NTRK3: variants seen among roughly 807,000 people sequenced by gnomAD.
NTRK3 encodes the protein NT-3 growth factor receptor.
A neutral mutation model predicts 91.7 loss-of-function variants in NTRK3; 24 were observed. The ratio of observed to expected loss-of-function variants is 0.26; its 90% CI spans 0.19 to 0.37. NTRK3 has a LOEUF of 0.37. Ranked by LOEUF, NTRK3 falls within the 10% of genes least tolerant of loss-of-function variation. The pLI, the probability that NTRK3 is intolerant of heterozygous loss-of-function variation, is 1.00. For synonymous variants in NTRK3, 483 were observed against 404.0 expected (o/e 1.20, Z -2.34); for missense variants, 880 against 1,068.9 (o/e 0.82, Z 2.46).
intron 3 of NTRK3, among the ~76,000 whole-genome samples, chr15:88,196,327 C>T (rs1339608180): frequency 2.0e-5 from 3 of 152,076 alleles, no homozygotes; most frequent in Non-Finnish European, 4.4e-5. Flanking sequence ...ATGCCTGGCC[C>T]TCTCTTTCGT....
At chr15:88,119,211 G>T (rs780503159) in intron 13 of NTRK3, among the ~76,000 whole-genome samples, 2 of 152,180 alleles carry the variant, frequency 1.3e-5, no homozygotes, top group Non-Finnish European at 2.9e-5. Context: ...GCAAAAGCAT[G>T]CCAGAAAAAC....
chr15:88,149,658 A>G (rs745483642), intron 5 of NTRK3, among the ~76,000 whole-genome samples: 1 of 152,210 alleles, frequency 6.6e-6, no homozygotes, highest in South Asian at 2.1e-4. Context: ...ACCTGAGGAC[A>G]CCACCTGGGG....
chr15:88,198,093 T>C (rs2047985341), intron 3 of NTRK3, among the ~76,000 whole-genome samples: 1 of 152,148 alleles, frequency 6.6e-6, no homozygotes, highest in Non-Finnish European at 1.5e-5. Context: ...CAAAGAATGT[T>C]TATTTTCCTC....
chr15:88,002,189 T>TC (rs1290915756), intron 14 of NTRK3, among the ~76,000 whole-genome samples: 1 of 148,386 alleles, frequency 6.7e-6, no homozygotes, highest in African/African-American at 2.5e-5. Flanking sequence ...TTTTTTTTTT[T>TC]TTTTTTCCAA....
intron 14 of NTRK3, among the ~76,000 whole-genome samples, chr15:87,948,150 C>A (rs538588078): frequency 6.6e-6 from 1 of 152,214 alleles, no homozygotes. Context: ...TGGCCAGCTA[C>A]AGGCCCTTTG....
chr15:88,112,235 A>G (rs2051489992), intron 13 of NTRK3, among the ~76,000 whole-genome samples: 1 of 152,156 alleles, frequency 6.6e-6, no homozygotes, highest in Non-Finnish European at 1.5e-5. Flanking sequence ...CCATTATTTC[A>G]GTTAATCCAA....
intron 17 of NTRK3, among the ~76,000 whole-genome samples, chr15:87,917,585 C>T (rs1347862086): frequency 6.6e-6 from 1 of 152,222 alleles, no homozygotes; most frequent in Non-Finnish European, 1.5e-5. Flanking sequence ...ACCTCCAAAT[C>T]TCATGTGGAA....
At chr15:88,089,042 A>G (rs1413206135) in intron 13 of NTRK3, among the ~76,000 whole-genome samples, 1 of 151,826 alleles carries the variant, frequency 6.6e-6, no homozygotes, top group Admixed American at 6.6e-5. Flanking sequence ...CTCCTCAGCC[A>G]TCATCATCAT....
At chr15:87,937,077 A>C (rs2069362709) in intron 15 of NTRK3, among the ~76,000 whole-genome samples, 1 of 150,610 alleles carries the variant, frequency 6.6e-6, no homozygotes, top group Admixed American at 6.6e-5. Context: ...TTGCCAGAAA[A>C]CTCTCCACTG....
chr15:87,883,617 A>G (rs978182770), intron 17 of NTRK3, among the ~76,000 whole-genome samples: 1 of 151,236 alleles, frequency 6.6e-6, no homozygotes, highest in African/African-American at 2.4e-5. Flanking sequence ...AAAAAATTGC[A>G]CATTATTTTC....
intron 16 of NTRK3, among the ~76,000 whole-genome samples, chr15:87,929,926 A>T (rs946097052): frequency 2.0e-5 from 3 of 152,230 alleles, no homozygotes; most frequent in African/African-American, 7.2e-5. Flanking sequence ...GAAATCAGGA[A>T]GTAGGATCTG....
chr15:88,099,928 T>G (rs947322066), intron 13 of NTRK3, among the ~76,000 whole-genome samples: 5 of 151,890 alleles, frequency 3.3e-5, no homozygotes, highest in Non-Finnish European at 4.4e-5. Flanking sequence ...GGACATGGAG[T>G]TGACAAGGAT....
chr15:87,949,288 C>T (rs1423116023), intron 14 of NTRK3, among the ~76,000 whole-genome samples: 1 of 152,000 alleles, frequency 6.6e-6, no homozygotes, highest in Admixed American at 6.5e-5. Flanking sequence ...TCGTATTGAA[C>T]CAGGAAAGTA....
chr15:88,100,648 C>T (rs2050077303), intron 13 of NTRK3, among the ~76,000 whole-genome samples: 1 of 152,078 alleles, frequency 6.6e-6, no homozygotes. Context: ...GGAAACCTGC[C>T]CACTTGAAAA....
At chr15:88,023,748 C>A (rs1167942445) in intron 14 of NTRK3, among the ~76,000 whole-genome samples, 4 of 152,200 alleles carry the variant, frequency 2.6e-5, no homozygotes, top group Admixed American at 2.0e-4. Context: ...CAGCCGCACA[C>A]CCCATGCTCC....
intron 14 of NTRK3, among the ~76,000 whole-genome samples, chr15:87,975,137 T>C (rs2073613516): frequency 6.6e-6 from 1 of 152,184 alleles, no homozygotes; most frequent in Non-Finnish European, 1.5e-5. Context: ...GAATTATTAC[T>C]ATTAATGCCC....
At position 87,904,154 on chromosome 15, in the gene NTRK3, AT is replaced by A. The variant is rs11385386; in HGVS notation, c.2134-23727del. On this transcript the variant is annotated intron_variant, in intron 17 of 18. Transcript: ENST00000394480. Reference sequence around the variant, plus strand: ...CTGCTAGAATGAAACTACAATAAGCATTTTTTTTTTTTTTTGAGACGGAGTC... The same window carrying A: ...CTGCTAGAATGAAACTACAATAAGCATTTTTTTTTTTTTTGAGACGGAGTC... 3.3e-3 allele frequency among the ~76,000 whole-genome samples: 465 copies of A among 142,728 alleles called. 2 individuals carry two copies. The highest frequency in any genetic ancestry group is 9.9e-3 in the African/African-American group (378 of 38,374). The allele number at this position is 142,728 out of a possible 152,430, so 93.6% of individuals were successfully genotyped here. A position where few individuals can be genotyped will look rare whatever the true frequency, so the allele number is the denominator to read the frequency against.
chr15:88,142,479 T>C (rs138443026), intron 6 of NTRK3, among the ~76,000 whole-genome samples: 5 of 152,380 alleles, frequency 3.3e-5, no homozygotes, highest in Admixed American at 1.3e-4. Flanking sequence ...ACTGGATATT[T>C]AGAAAACACT....
At chr15:88,106,459 A>G (rs2050718108) in intron 13 of NTRK3, among the ~76,000 whole-genome samples, 1 of 152,262 alleles carries the variant, frequency 6.6e-6, no homozygotes, top group African/African-American at 2.4e-5. Context: ...ATACACAAGC[A>G]ACGTGAAAAG....
Sources: gnomAD v4.1 joint callset for allele counts (sites outside exome capture counted in the v4.1 genomes callset) on GRCh38, gnomAD v4.1.1 for gene constraint, MANE v1.5 for transcripts, NCBI Gene and HGNC (gene_info 2026-07-23, HGNC 2026-07-21) for gene names.